Variants in FARP1 observed in about 807,000 individuals in gnomAD.
FARP1 encodes FERM, ARH/RhoGEF and pleckstrin domain protein 1.
A neutral mutation model predicts 128.8 loss-of-function variants in FARP1; 52 were observed. The observed-to-expected ratio is 0.40, with a 90% CI of 0.32 to 0.51. The LOEUF is 0.51. Among genes scored for constraint, FARP1 ranks in the 20% least tolerant of loss-of-function variants. FARP1 has a pLI of 0.45. For missense variants in FARP1, 1,333 were observed against 1,367.9 expected, an observed-to-expected ratio of 0.97 and a Z score of 0.40; for synonymous variants, 580 against 551.8, an observed-to-expected ratio of 1.05 and a Z score of -0.72.
At chr13:98,278,920 G>A (rs1046339109) in intron 2 of FARP1, among the ~76,000 whole-genome samples, 1 of 151,904 alleles carries the variant, frequency 6.6e-6, no homozygotes, top group African/African-American at 2.4e-5. Context: ...CCGCCTCCCG[G>A]GTTCATGCCA....
intron 1 of FARP1, among the ~76,000 whole-genome samples, chr13:98,181,347 C>CA (rs1324564583): frequency 1.3e-5 from 2 of 152,090 alleles, no homozygotes; most frequent in East Asian, 3.9e-4. Flanking sequence ...TTATCCCCTG[C>CA]AAAGTGGGGT....
intron 1 of FARP1, among the ~76,000 whole-genome samples, chr13:98,206,429 C>G (rs1211824469): frequency 6.6e-6 from 1 of 152,150 alleles, no homozygotes; most frequent in African/African-American, 2.4e-5. Flanking sequence ...CCTGTTATTC[C>G]AAGAAAGTTA....
intron 1 of FARP1, among the ~76,000 whole-genome samples, chr13:98,201,919 C>T (rs777515099): frequency 5.9e-5 from 9 of 152,200 alleles, no homozygotes; most frequent in Non-Finnish European, 1.3e-4. Flanking sequence ...TCCAAATGAT[C>T]AAACAGGCCG....
chr13:98,203,411 C>T (rs780997081), intron 1 of FARP1, among the ~76,000 whole-genome samples: 1 of 152,172 alleles, frequency 6.6e-6, no homozygotes, highest in Non-Finnish European at 1.5e-5. Flanking sequence ...GATCGAGCTC[C>T]GAATCCCAGC....
rs1170966189 is a variant in FARP1, at chr13:98,438,792, T to C, written c.2275-12T>C. On this transcript the variant is annotated splice_polypyrimidine_tract_variant and intron_variant, in intron 19 of 26. Transcript: ENST00000319562. ...CGCTCGCAGCCAGCCCTCCGGTCTGTCTCCCCTGCAGGAGTTCATCCGTCT... is the reference window on the plus strand; with the variant it reads ...CGCTCGCAGCCAGCCCTCCGGTCTGCCTCCCCTGCAGGAGTTCATCCGTCT... The C allele has an allele frequency of 6.2e-7, 1 of 1,611,262 alleles. No individual in the cohort carries two copies. Among genetic ancestry groups the C allele is most frequent in the South Asian group, 1.1e-5 (1 of 90,966 alleles).
At chr13:98,178,097 A>G (rs1312496947) in intron 1 of FARP1, among the ~76,000 whole-genome samples, 1 of 152,172 alleles carries the variant, frequency 6.6e-6, no homozygotes, top group Non-Finnish European at 1.5e-5. Context: ...ATTTAAAAAA[A>G]TATTATCAAG....
intron 1 of FARP1, among the ~76,000 whole-genome samples, chr13:98,211,350 G>A (rs776771026): frequency 1.1e-4 from 16 of 152,324 alleles, no homozygotes; most frequent in Admixed American, 7.2e-4. Context: ...TGGGAACTGC[G>A]CATGCGAGGG....
intron 2 of FARP1, among the ~76,000 whole-genome samples, chr13:98,265,564 C>T (rs1473584012): frequency 6.6e-6 from 1 of 151,518 alleles, no homozygotes; most frequent in African/African-American, 2.4e-5. Context: ...CGTGATCCGC[C>T]CGCCTTGGCC....
At chr13:98,272,468 T>TGA (rs1250663268) in intron 2 of FARP1, among the ~76,000 whole-genome samples, 1 of 152,224 alleles carries the variant, frequency 6.6e-6, no homozygotes, top group Non-Finnish European at 1.5e-5. Context: ...GTGAAATGCA[T>TGA]ACCCTTCTGT....
intron 2 of FARP1, among the ~76,000 whole-genome samples, chr13:98,295,965 G>T (rs1486172712): frequency 6.6e-6 from 1 of 152,164 alleles, no homozygotes; most frequent in African/African-American, 2.4e-5. Context: ...GATGACCTTA[G>T]GTGGTTGCTT....
intron 1 of FARP1, among the ~76,000 whole-genome samples, chr13:98,163,144 A>G (rs953320221): frequency 6.6e-6 from 1 of 152,252 alleles, no homozygotes; most frequent in African/African-American, 2.4e-5. Flanking sequence ...TGCAACCATA[A>G]AAAAGAACAA....
At chr13:98,173,839 C>CTGCT (rs1297636276) in intron 1 of FARP1, among the ~76,000 whole-genome samples, 1 of 152,248 alleles carries the variant, frequency 6.6e-6, no homozygotes, top group African/African-American at 2.4e-5. Flanking sequence ...TGGCCCCACA[C>CTGCT]TGCTCTTCAC....
At chr13:98,309,136 TATTA>T (rs1886323934) in intron 2 of FARP1, among the ~76,000 whole-genome samples, 1 of 147,944 alleles carries the variant, frequency 6.8e-6, no homozygotes, top group Admixed American at 6.7e-5. Flanking sequence ...AATATATTAA[TATTA>T]ATTTTAAGAG....
Position 98,396,178 on chromosome 13 carries a change from G to A in FARP1, c.1414+702G>A, listed in dbSNP as rs187474525. 2.0e-5 allele frequency: 8 copies of A among 399,182 alleles called. No homozygotes were observed. In the South Asian group the frequency reaches 8.9e-4, roughly 44 times the overall value. 24.7% of individuals were successfully genotyped at this position (399,182 alleles called of 1,614,324 possible). On this transcript the variant is annotated intron_variant, in intron 13 of 26. Transcript: ENST00000319562. Reference sequence around the variant, plus strand: ...GCAAGCCAGCGCAGCTGCTCCCGAGGGTAGAAGCCTGGCTAATGGCACACC... The same window carrying A: ...GCAAGCCAGCGCAGCTGCTCCCGAGAGTAGAAGCCTGGCTAATGGCACACC...
At chr13:98,240,162 C>A (rs778965173) in intron 2 of FARP1, among the ~76,000 whole-genome samples, 7 of 152,202 alleles carry the variant, frequency 4.6e-5, no homozygotes, top group African/African-American at 7.2e-5. Flanking sequence ...TGGCTGGGGC[C>A]TTGTGCTGCT....
chr13:98,383,914 AT>A (rs1210563062), intron 6 of FARP1: 2 of 152,128 alleles, frequency 1.3e-5, no homozygotes, highest in African/African-American at 2.4e-5. Flanking sequence ...TAAACTCATA[AT>A]TTTTTTAAGC....
At chr13:98,340,904 T>G (rs1302625270) in intron 2 of FARP1, 1 of 152,210 alleles carries the variant, frequency 6.6e-6, no homozygotes, top group Non-Finnish European at 1.5e-5. Flanking sequence ...AGTGTTCCAC[T>G]CTGCTCTCCT....
intron 1 of FARP1, among the ~76,000 whole-genome samples, chr13:98,179,430 G>T (rs1878345373): frequency 6.6e-6 from 1 of 152,144 alleles, no homozygotes; most frequent in African/African-American, 2.4e-5. Flanking sequence ...GTGTCCATAG[G>T]TCTTTTCTGC....
At chr13:98,295,485 T>G (rs923822097) in intron 2 of FARP1, among the ~76,000 whole-genome samples, 1 of 152,104 alleles carries the variant, frequency 6.6e-6, no homozygotes, top group East Asian at 1.9e-4. Context: ...GCTTATAAAC[T>G]CCAGATTTGT....
Sources: allele counts gnomAD v4.1 joint callset (sites outside exome capture counted in the v4.1 genomes callset), GRCh38; gene constraint gnomAD v4.1.1; transcripts MANE v1.5; gene names NCBI Gene and HGNC (gene_info 2026-07-23, HGNC 2026-07-21).